PDE6G: variants seen among roughly 807,000 people sequenced by gnomAD.
PDE6G encodes the protein rod cGMP 3',5'-cyclic phosphodiesterase subunit gamma.
PDE6G carries 10 observed loss-of-function variants against 10.9 expected under a neutral mutation model. The ratio of observed to expected loss-of-function variants is 0.91; its 90% CI spans 0.56 to 1.55. The LOEUF (loss-of-function observed/expected upper bound fraction) is 1.55, where lower values mean the gene tolerates loss of function less well. Among genes scored for constraint, PDE6G ranks in the 40% most tolerant of loss-of-function variants. The probability of loss-of-function intolerance (pLI) is 0.00; values close to 1 mark genes in which losing one functional copy is unlikely to be tolerated. For missense variants in PDE6G, 102 were observed against 110.1 expected, an observed-to-expected ratio of 0.93 and a Z score of 0.33; for synonymous variants, 41 against 42.8, an observed-to-expected ratio of 0.96 and a Z score of 0.16.
rs1217547315 is a variant in PDE6G, at chr17:81,650,850, T to G, written c.*224A>C. On this transcript the variant is annotated 3_prime_UTR_variant, in exon 4 of 4. Transcript: ENST00000331056. ...TGAGGGGTGGGCCTGTATCTCCAGA[T>G]GTTGAGCAGGGCCTGGCCAGCCCCT... is the stretch of plus-strand genomic sequence containing the variant. The G allele has an allele frequency of 3.2e-6, 2 of 626,534 alleles. No homozygotes were observed. Among genetic ancestry groups the G allele is most frequent in the South Asian group, 1.5e-5 (1 of 65,944 alleles). 38.8% of individuals were successfully genotyped at this position (626,534 alleles called of 1,614,324 possible).
chr17:81,656,555 C>CA (rs778109461), upstream of PDE6G: 20 of 761,656 alleles, frequency 2.6e-5, no homozygotes, highest in African/African-American at 3.0e-4. Flanking sequence ...CGCAGGGTGC[C>CA]AGCCCCGGCC....
chr17:81,654,379 C>CTT (rs11431043), intron 1 of PDE6G, among the ~76,000 whole-genome samples: 6,447 of 128,362 alleles, frequency 0.05, 327 homozygotes, highest in East Asian at 0.2. Flanking sequence ...CCCTCTGATT[C>CTT]TTTTTTTTTT....
At chr17:81,652,201 T>A (rs529981273) in intron 2 of PDE6G, among the ~76,000 whole-genome samples, 8 of 152,214 alleles carry the variant, frequency 5.3e-5, no homozygotes, top group African/African-American at 1.9e-4. Flanking sequence ...GGGAGCGAGA[T>A]GCCCGTGTGT....
At chr17:81,656,611 C>T (rs986582987), upstream of PDE6G, 3 of 731,646 alleles carry the variant, frequency 4.1e-6, no homozygotes, top group Non-Finnish European at 7.5e-6. Context: ...CAGTGCCACC[C>T]TAATGAGATT....
Position 81,653,050 on chromosome 17 carries a change from G to A in PDE6G, c.146+110C>T. On this transcript the variant is annotated intron_variant, in intron 2 of 3. Transcript: ENST00000331056. The surrounding 1 kb of genome is among the most constrained non-coding windows in gnomAD (Gnocchi z 5.2). ...CTACCTTCCCCAGCTGTGAGGCTGG[G>A]ACCACTCACCCAGTGAAGTGGCCCC... 1 of 1,285,572 alleles carries A rather than the reference G, an allele frequency of 7.8e-7. No homozygotes were observed. Among genetic ancestry groups the A allele is most frequent in the Non-Finnish European group, 1.1e-6 (1 of 883,434 alleles). The allele number at this position is 1,285,572 out of a possible 1,614,324, so 79.6% of individuals were successfully genotyped here. A position where few individuals can be genotyped will look rare whatever the true frequency, so the allele number is the denominator to read the frequency against.
intron 1 of PDE6G, among the ~76,000 whole-genome samples, chr17:81,654,902 C>G (rs1177674738): frequency 6.6e-6 from 1 of 152,014 alleles, no homozygotes. Flanking sequence ...CGCCCGACAC[C>G]ACGCCCGGCT....
At chr17:81,661,915 T>C (rs7406108) in intron 1 of PDE6G, among the ~76,000 whole-genome samples, 62,128 of 147,526 alleles carry the variant, frequency 0.42, 13,749 homozygotes, top group East Asian at 0.85. Flanking sequence ...CCTGTAATCC[T>C]AGGTACTCGG....
chr17:81,658,646 G>A (rs972202430), upstream of PDE6G, among the ~76,000 whole-genome samples: 2 of 151,946 alleles, frequency 1.3e-5, no homozygotes, highest in Admixed American at 6.6e-5. Flanking sequence ...TTCAAGACCA[G>A]CCTGGCCAAC....
chr17:81,656,754 C>G (rs368660131), upstream of PDE6G: 2 of 639,490 alleles, frequency 3.1e-6, no homozygotes. Flanking sequence ...TGACCCTGAA[C>G]AGCCAGGCTC....
Position 81,651,184 on chromosome 17 carries a change from T to C in PDE6G, c.188-34A>G. 1 of 1,515,418 alleles carries C rather than the reference T, an allele frequency of 6.6e-7. No individual in the cohort carries two copies. The highest frequency in any genetic ancestry group is 9.2e-7 in the Non-Finnish European group (1 of 1,090,446). The allele number at this position is 1,515,418 out of a possible 1,614,324, so 93.9% of individuals were successfully genotyped here. A position where few individuals can be genotyped will look rare whatever the true frequency, so the allele number is the denominator to read the frequency against. ...GAAACGGGCCACGGATCAGAGAGGATCCCACGGCCTAGGGACCCCCCCATC... is the reference window on the plus strand; with the variant it reads ...GAAACGGGCCACGGATCAGAGAGGACCCCACGGCCTAGGGACCCCCCCATC... On this transcript the variant is annotated intron_variant, in intron 3 of 3. Transcript: ENST00000331056. The surrounding 1 kb of genome is among the most constrained non-coding windows in gnomAD (Gnocchi z 4.8).
upstream of PDE6G, among the ~76,000 whole-genome samples, chr17:81,659,151 CTTTTT>C (rs779928637): frequency 8.7e-6 from 1 of 114,700 alleles, no homozygotes. Context: ...CAATCCATAT[CTTTTT>C]TTTTTTTTTT....
Position 81,651,780 on chromosome 17 carries a change from G to C in PDE6G, c.147-95C>G. The C allele has an allele frequency of 1.4e-6, 2 of 1,380,642 alleles. No homozygotes were observed. Among genetic ancestry groups the C allele is most frequent in the South Asian group, 1.2e-5 (1 of 82,432 alleles). The allele number at this position is 1,380,642 out of a possible 1,614,324, so 85.5% of individuals were successfully genotyped here. ...CATCTCTAGCCTTCCTAGGAGATGA[G>C]GTGTTTGGCTGGGAGCCCAGTGGGC... On this transcript the variant is annotated intron_variant, in intron 2 of 3. Transcript: ENST00000331056. This position sits in a 1 kb window ranked among gnomAD's most constrained non-coding sequence, Gnocchi z 4.8.
At position 81,651,761 on chromosome 17, in the gene PDE6G, T is replaced by G; in HGVS notation, c.147-76A>C. 5.0e-5 allele frequency: 73 copies of G among 1,447,886 alleles called. No homozygotes were observed. The highest frequency in any genetic ancestry group is 6.3e-5 in the Non-Finnish European group (66 of 1,041,068). 89.7% of individuals were successfully genotyped at this position (1,447,886 alleles called of 1,614,324 possible). A position where few individuals can be genotyped will look rare whatever the true frequency, so the allele number is the denominator to read the frequency against. On this transcript the variant is annotated intron_variant, in intron 2 of 3. Coordinates refer to ENST00000331056, the MANE Select transcript of PDE6G (RefSeq NM_002602.4). The surrounding 1 kb of genome is among the most constrained non-coding windows in gnomAD (Gnocchi z 4.8). ...TCAGCCTGAGGCCCGAGGTCATCTC[T>G]AGCCTTCCTAGGAGATGAGGTGTTT...
upstream of PDE6G, among the ~76,000 whole-genome samples, chr17:81,657,899 A>G (rs990650687): frequency 2.0e-5 from 3 of 151,032 alleles, no homozygotes; most frequent in African/African-American, 7.3e-5. Flanking sequence ...AAATAAATAA[A>G]TAAATAAATA....
upstream of PDE6G, among the ~76,000 whole-genome samples, chr17:81,657,724 C>A (rs185591526): frequency 3.7e-3 from 567 of 151,504 alleles, 4 homozygotes; most frequent in African/African-American, 0.013. Flanking sequence ...ACTAAAAATA[C>A]AAAAAAATTA....
chr17:81,654,998 C>T (rs955812163), intron 1 of PDE6G, among the ~76,000 whole-genome samples: 1 of 151,786 alleles, frequency 6.6e-6, no homozygotes, highest in African/African-American at 2.4e-5. Flanking sequence ...ACCTCGTGAT[C>T]CACCCACCTT....
chr17:81,661,547 T>C (rs1299324272), intron 1 of PDE6G, among the ~76,000 whole-genome samples: 2 of 151,806 alleles, frequency 1.3e-5, no homozygotes, highest in African/African-American at 2.4e-5. Context: ...TGAAACCCCG[T>C]CTCTACTAAA....
Position 81,653,203 on chromosome 17 carries a change from T to C in PDE6G, c.103A>G (p.Thr35Ala). Residue 35 changes from threonine (T) to alanine (A), a missense_variant, in exon 2 of 4, where the codon ACC becomes GCC. Transcript: ENST00000331056. This position sits in a 1 kb window ranked among gnomAD's most constrained non-coding sequence, Gnocchi z 5.2. Reference sequence around the variant, plus strand: ...GGGGGCTTGCTCTTGAACTGCCTGGTCTGTCGCTGCTTAAATTTAGGGGGC... The same window carrying C: ...GGGGGCTTGCTCTTGAACTGCCTGGCCTGTCGCTGCTTAAATTTAGGGGGC... ...KGPPKFKQRQTRQFKSKPPKK... is the reference protein window; with the variant it reads ...KGPPKFKQRQARQFKSKPPKK... 6.2e-7 allele frequency: 1 copy of C among 1,614,068 alleles called. No individual in the cohort carries two copies. The highest frequency in any genetic ancestry group is 8.5e-7 in the Non-Finnish European group (1 of 1,180,000).
intron 1 of PDE6G, among the ~76,000 whole-genome samples, chr17:81,655,278 G>T (rs1376607632): frequency 1.3e-5 from 2 of 152,204 alleles, no homozygotes; most frequent in Admixed American, 1.3e-4. Context: ...TCAGAGACTT[G>T]GTGCTGAGCT....
Sources: gnomAD v4.1 joint callset for allele counts (sites outside exome capture counted in the v4.1 genomes callset) on GRCh38, gnomAD v4.1.1 for gene constraint, Gnocchi (gnomAD v3.1) non-coding constraint, MANE v1.5 for transcripts, NCBI Gene and HGNC (gene_info 2026-07-23, HGNC 2026-07-21) for gene names.